The following NFAM1 variants were observed in gnomAD, a reference collection of about 807,000 sequenced individuals.
NFAM1 encodes the protein NFAT activating protein with ITAM motif 1, also known as NFAT activation molecule 1.
NFAM1 carries 17 observed loss-of-function variants against 29.0 expected under a neutral mutation model. The observed-to-expected ratio is 0.59, with a 90% CI of 0.40 to 0.88. The LOEUF (loss-of-function observed/expected upper bound fraction) is 0.88, where lower values mean the gene tolerates loss of function less well. Among genes scored for constraint, NFAM1 ranks in the 40% least tolerant of loss-of-function variants. The pLI is 0.00. For synonymous variants in NFAM1, 175 were observed against 147.2 expected (o/e 1.19, Z -1.36); for missense variants, 324 against 344.6 (o/e 0.94, Z 0.47).
intron 4 of NFAM1, among the ~76,000 whole-genome samples, chr22:42,396,927 C>CGTGCACCTGGGGAGT (rs1929547326): frequency 3.4e-5 from 5 of 149,100 alleles, no homozygotes; most frequent in Admixed American, 3.3e-4. Context: ...AGCCAGGGGG[C>CGTGCACCTGGGGAGT]GTGCACCTGG....
intron 4 of NFAM1, among the ~76,000 whole-genome samples, chr22:42,393,913 T>C (rs771620975): frequency 1.3e-5 from 2 of 152,230 alleles, no homozygotes; most frequent in African/African-American, 2.4e-5. Context: ...TATGGCTCAG[T>C]TTATATTCTG....
rs368146091 is a variant in NFAM1 at position 42,411,636 on chromosome 22, T to C, written c.222A>G (p.Gln74=). The change falls in exon 2 of 6, where the codon CAA becomes CAG. Residue 74 remains glutamine (Q), a synonymous_variant. Transcript: ENST00000329021. ...SCRITYPYTP[Q]FKVFTVSYFH... is the part of the protein sequence containing the mutation. Reference sequence around the variant, plus strand: ...AGTAGCTGACTGTGAAAACCTTGAATTGGGGAGTGTATGGATAGGTGATCC... The same window carrying C: ...AGTAGCTGACTGTGAAAACCTTGAACTGGGGAGTGTATGGATAGGTGATCC... 12 of 1,614,046 alleles carry C rather than the reference T, an allele frequency of 7.4e-6. No homozygotes were observed. Among genetic ancestry groups the C allele is most frequent in the Admixed American group, 1.7e-5 (1 of 59,996 alleles).
intron 4 of NFAM1, among the ~76,000 whole-genome samples, chr22:42,391,477 T>A (rs1929340571): frequency 6.6e-6 from 1 of 152,184 alleles, no homozygotes; most frequent in South Asian, 2.1e-4. Context: ...GCTGGGGCAG[T>A]GAGAAGGGCT....
At chr22:42,435,416 C>T (rs538610521), upstream of NFAM1, among the ~76,000 whole-genome samples, 3 of 151,026 alleles carry the variant, frequency 2.0e-5, no homozygotes, top group African/African-American at 7.3e-5. Context: ...GGCGCGATCT[C>T]GGCTCACCGT....
upstream of NFAM1, among the ~76,000 whole-genome samples, chr22:42,434,100 C>A (rs1421838955): frequency 1.3e-5 from 2 of 152,158 alleles, no homozygotes. Context: ...CGGTGCCCCC[C>A]ACACCCCAAC....
intron 1 of NFAM1, among the ~76,000 whole-genome samples, chr22:42,412,360 C>T (rs1930124905): frequency 6.6e-6 from 1 of 152,216 alleles, no homozygotes; most frequent in Admixed American, 6.5e-5. Context: ...ACCACTCTAC[C>T]TCTCCTAATA....
chr22:42,409,266 G>C lies in NFAM1; in HGVS notation c.564+169C>G, dbSNP rs1244628842. 2.0e-5 allele frequency among the ~76,000 whole-genome samples: 3 copies of C among 152,222 alleles called. No homozygotes were observed. Among genetic ancestry groups the C allele is most frequent in the African/African-American group, 7.2e-5 (3 of 41,448 alleles). On this transcript the variant is annotated intron_variant, in intron 3 of 5. Coordinates refer to ENST00000329021, the MANE Select transcript of NFAM1 (RefSeq NM_145912.8). This position sits in a 1 kb window ranked among gnomAD's most constrained non-coding sequence, Gnocchi z 4.9. The stretch of plus-strand genomic sequence containing the variant: ...GGCACCCCATGGCAGCACAGGGAGT[G>C]GCACAGGAGGGATGCCCCCAGCCCT...
chr22:42,420,629 G>A (rs1335870347), intron 1 of NFAM1, among the ~76,000 whole-genome samples: 1 of 151,842 alleles, frequency 6.6e-6, no homozygotes, highest in Non-Finnish European at 1.5e-5. Flanking sequence ...AGCCGGGTAT[G>A]GTGGCAGGCG....
At chr22:42,404,785 G>T (rs1042071604) in intron 3 of NFAM1, among the ~76,000 whole-genome samples, 2 of 151,444 alleles carry the variant, frequency 1.3e-5, no homozygotes, top group African/African-American at 4.9e-5. Flanking sequence ...AATCTGAGAG[G>T]CGGAGGTGCA....
In NFAM1 at chr22:42,409,531, C is replaced by G. The variant is rs775683836; in HGVS notation, c.468G>C (p.Glu156Asp). 1.3e-6 allele frequency: 2 copies of G among 1,529,984 alleles called. No individual in the cohort carries two copies. Among genetic ancestry groups the G allele is most frequent in the Non-Finnish European group, 1.8e-6 (2 of 1,137,118 alleles). 94.8% of individuals were successfully genotyped at this position (1,529,984 alleles called of 1,614,324 possible). A position where few individuals can be genotyped will look rare whatever the true frequency, so the allele number is the denominator to read the frequency against. Residue 156 changes from glutamate (E) to aspartate (D), a missense_variant, in exon 3 of 6, where the codon GAG (glutamate) becomes GAC (aspartate). By Grantham distance (45) the Glu-to-Asp change is conservative. Coordinates refer to ENST00000329021, the MANE Select transcript of NFAM1 (RefSeq NM_145912.8). This position sits in a 1 kb window ranked among gnomAD's most constrained non-coding sequence, Gnocchi z 4.9. ...FILVRDAGYR[E>D]PPQSPQKLLL... ...GGAGCTTCTGTGGACTCTGCGGGGG[C>G]TCTCGGTACCCTGCGTCTAGGAGGA... is the stretch of plus-strand genomic sequence containing the variant.
At chr22:42,412,274 G>A (rs1313979760) in intron 1 of NFAM1, among the ~76,000 whole-genome samples, 3 of 151,948 alleles carry the variant, frequency 2.0e-5, no homozygotes, top group African/African-American at 7.3e-5. Context: ...CATCGTGTGA[G>A]CTTACCTCTG....
chr22:42,428,771 G>C (rs116347785), intron 1 of NFAM1, among the ~76,000 whole-genome samples: 1,666 of 152,310 alleles, frequency 0.011, 32 homozygotes, highest in African/African-American at 0.038. Flanking sequence ...GCCACAGAGA[G>C]GGGACTGACA....
chr22:42,401,874 G>A (rs532074387), intron 3 of NFAM1, among the ~76,000 whole-genome samples: 3 of 152,154 alleles, frequency 2.0e-5, no homozygotes, highest in Non-Finnish European at 4.4e-5. Context: ...TGTAAAATGG[G>A]AGCAATAATG....
chr22:42,415,294 CTT>C (rs398037250), intron 1 of NFAM1, among the ~76,000 whole-genome samples: 1,468 of 94,804 alleles, frequency 0.015, 18 homozygotes, highest in African/African-American at 0.06. Flanking sequence ...TTCTTTCTTT[CTT>C]TTTTTTTTTT....
At chr22:42,389,521 C>A (rs1308876849) in intron 4 of NFAM1, among the ~76,000 whole-genome samples, 1 of 152,128 alleles carries the variant, frequency 6.6e-6, no homozygotes, top group Non-Finnish European at 1.5e-5. Flanking sequence ...CCTGAACCAT[C>A]CCCTCCTGGC....
In NFAM1 at chr22:42,419,121, G is replaced by A. The variant is rs997306399; in HGVS notation, c.122-7385C>T. ...ATGCCGAGTGAGTCCCTGGCGGGGT[G>A]TGCCCCCACGTGTTTGTGTGCCCAC... On this transcript the variant is annotated intron_variant, in intron 1 of 5. Transcript: ENST00000329021. The surrounding 1 kb of genome is among the most constrained non-coding windows in gnomAD (Gnocchi z 4.5). Among the ~76,000 whole-genome samples the A allele has an allele frequency of 2.0e-5, 3 of 152,204 alleles. No individual in the cohort carries two copies. The highest frequency in any genetic ancestry group is 4.4e-5 in the Non-Finnish European group (3 of 68,032).
chr22:42,411,914 A>G (rs1420158337), intron 1 of NFAM1, among the ~76,000 whole-genome samples, 178 bp from the exon 2 acceptor site: 1 of 152,234 alleles, frequency 6.6e-6, no homozygotes, highest in Non-Finnish European at 1.5e-5. Flanking sequence ...CCTGGCCAAC[A>G]TGGTGAAACC....
intron 3 of NFAM1, among the ~76,000 whole-genome samples, chr22:42,400,384 AAG>A (rs1449890393): frequency 6.6e-6 from 1 of 152,166 alleles, no homozygotes; most frequent in African/African-American, 2.4e-5. Context: ...TTGGGAAGCC[AAG>A]GTGGGTGGAT....
intron 1 of NFAM1, among the ~76,000 whole-genome samples, chr22:42,424,822 C>T (rs1930570075): frequency 6.6e-6 from 1 of 152,104 alleles, no homozygotes; most frequent in African/African-American, 2.4e-5. Context: ...CCTGTGAGGG[C>T]TTTTAAATTG....
Sources: gnomAD v4.1 joint callset for allele counts (sites outside exome capture counted in the v4.1 genomes callset) on GRCh38, gnomAD v4.1.1 for gene constraint, Gnocchi (gnomAD v3.1) non-coding constraint, MANE v1.5 for transcripts, NCBI Gene and HGNC (gene_info 2026-07-23, HGNC 2026-07-21) for gene names.